Variants in LRP1B observed in about 807,000 individuals in gnomAD.
LRP1B encodes low-density lipoprotein receptor-related protein 1B.
LRP1B carries 217 observed loss-of-function variants against 556.6 expected under a neutral mutation model. That is an observed-to-expected ratio of 0.39 (90% CI 0.35 to 0.44). The LOEUF (loss-of-function observed/expected upper bound fraction) is 0.44, where lower values mean the gene tolerates loss of function less well. LRP1B is among the 20% of genes least tolerant of loss of function. The pLI is 1.00. For synonymous variants in LRP1B, 2,047 were observed against 1,865.8 expected (o/e 1.10, Z -2.50); for missense variants, 5,053 against 5,620.8 (o/e 0.90, Z 3.23).
chr2:142,118,818 T>A (rs1707359792), intron 1 of LRP1B, among the ~76,000 whole-genome samples: 1 of 152,172 alleles, frequency 6.6e-6, no homozygotes, highest in South Asian at 2.1e-4. Context: ...CCAAATTAAA[T>A]ATTAATGCAA....
At chr2:141,316,176 T>C (rs755156030) in intron 3 of LRP1B, among the ~76,000 whole-genome samples, 1 of 152,068 alleles carries the variant, frequency 6.6e-6, no homozygotes, top group Non-Finnish European at 1.5e-5. Context: ...CTGTCTTGGA[T>C]AGCCTTATAA....
At chr2:140,835,626 C>T (rs2171171) in intron 31 of LRP1B, among the ~76,000 whole-genome samples, 9,338 of 152,264 alleles carry the variant, frequency 0.061, 357 homozygotes, top group African/African-American at 0.1. Flanking sequence ...CAACCTCCGC[C>T]TCCCAGGTTC....
At chr2:142,109,480 C>T (rs1275411371) in intron 1 of LRP1B, among the ~76,000 whole-genome samples, 1 of 152,094 alleles carries the variant, frequency 6.6e-6, no homozygotes, top group African/African-American at 2.4e-5. Flanking sequence ...CTTGAATTTA[C>T]CAAGAAAATG....
At chr2:140,236,466 A>T (rs929676948) in intron 89 of LRP1B, among the ~76,000 whole-genome samples, 2 of 151,132 alleles carry the variant, frequency 1.3e-5, no homozygotes, top group African/African-American at 4.8e-5. Context: ...AAAATATTCT[A>T]AAATTATCAG....
At chr2:140,585,647 G>A (rs116284819) in intron 43 of LRP1B, among the ~76,000 whole-genome samples, 66 of 152,172 alleles carry the variant, frequency 4.3e-4, no homozygotes, top group Admixed American at 1.4e-3. Flanking sequence ...GTCCAACACT[G>A]AAACAATGTT....
chr2:141,350,482 C>T (rs564018800), intron 3 of LRP1B, among the ~76,000 whole-genome samples: 103 of 152,102 alleles, frequency 6.8e-4, no homozygotes, highest in Admixed American at 1.0e-3. Flanking sequence ...TGGACTGAAA[C>T]ATTTTTCTTT....
chr2:141,444,028 G>A (rs1286159992), intron 3 of LRP1B, among the ~76,000 whole-genome samples: 1 of 151,962 alleles, frequency 6.6e-6, no homozygotes, highest in African/African-American at 2.4e-5. Flanking sequence ...TGGGCAGTAT[G>A]GCCATTTTCA....
chr2:141,619,900 G>A (rs1454357574), intron 2 of LRP1B, among the ~76,000 whole-genome samples: 2 of 152,188 alleles, frequency 1.3e-5, no homozygotes, highest in Admixed American at 6.5e-5. Context: ...AGGGGCTAAT[G>A]TTGATGATTG....
At chr2:141,071,009 G>A (rs1375707660) in intron 7 of LRP1B, among the ~76,000 whole-genome samples, 1 of 152,060 alleles carries the variant, frequency 6.6e-6, no homozygotes, top group East Asian at 1.9e-4. Flanking sequence ...ATTTTATGAG[G>A]CCAGCATCGT....
At chr2:141,654,933 AG>A (rs1377340148) in intron 2 of LRP1B, among the ~76,000 whole-genome samples, 1 of 152,172 alleles carries the variant, frequency 6.6e-6, no homozygotes, top group Non-Finnish European at 1.5e-5. Flanking sequence ...CAGTAATGTT[AG>A]GGAGGTGTAC....
At chr2:140,284,163 T>C (rs376110785) in intron 84 of LRP1B, among the ~76,000 whole-genome samples, 1 of 151,778 alleles carries the variant, frequency 6.6e-6, no homozygotes, top group Non-Finnish European at 1.5e-5. Flanking sequence ...AATTAACATA[T>C]ACTGTGTTAG....
At chr2:141,968,398 T>C (rs775810258) in intron 1 of LRP1B, among the ~76,000 whole-genome samples, 6 of 151,702 alleles carry the variant, frequency 4.0e-5, no homozygotes, top group Non-Finnish European at 5.9e-5. Context: ...AATAAAATAT[T>C]TGTGTATTTT....
chr2:141,074,203 A>G (rs1032375832), intron 7 of LRP1B, among the ~76,000 whole-genome samples: 3 of 152,064 alleles, frequency 2.0e-5, no homozygotes, highest in African/African-American at 7.2e-5. Context: ...CCTTAAAAAA[A>G]TCCAAGTATT....
chr2:140,336,088 T>G (rs542525291), intron 77 of LRP1B, among the ~76,000 whole-genome samples: 1 of 152,138 alleles, frequency 6.6e-6, no homozygotes, highest in East Asian at 1.9e-4. Flanking sequence ...TGCTGAAATA[T>G]TTCCAGAACC....
intron 1 of LRP1B, among the ~76,000 whole-genome samples, chr2:141,858,317 C>G (rs1416600005): frequency 6.6e-6 from 1 of 152,106 alleles, no homozygotes; most frequent in Non-Finnish European, 1.5e-5. Context: ...TTTTATAGAA[C>G]CTATTTATTA....
intron 6 of LRP1B, among the ~76,000 whole-genome samples, chr2:141,192,717 T>A (rs571850463): frequency 6.6e-6 from 1 of 151,862 alleles, no homozygotes; most frequent in Non-Finnish European, 1.5e-5. Context: ...CTGCTCTATA[T>A]CAATATCATC....
At chr2:141,544,355 CTTCTTCTTCTTCTTCTT>C (rs1685448266) in intron 2 of LRP1B, among the ~76,000 whole-genome samples, 1 of 95,904 alleles carries the variant, frequency 1.0e-5, no homozygotes, top group African/African-American at 3.6e-5. Context: ...TCTTCTTCTT[CTTCTTCTTCTTCTTCTT>C]CTTCTTCTTC....
chr2:140,240,411 G>T (rs1184436592), intron 87 of LRP1B, among the ~76,000 whole-genome samples: 1 of 150,490 alleles, frequency 6.6e-6, no homozygotes, highest in Non-Finnish European at 1.5e-5. Context: ...GAGGAGACTT[G>T]GTTTTCTATG....
chr2:140,669,111 C>T (rs1007208207), intron 41 of LRP1B, among the ~76,000 whole-genome samples: 3 of 152,108 alleles, frequency 2.0e-5, no homozygotes, highest in Non-Finnish European at 4.4e-5. Context: ...ATCAGGGTAT[C>T]TGCATTCAAG....
Sources: gnomAD v4.1 joint callset for allele counts (sites outside exome capture counted in the v4.1 genomes callset) on GRCh38, gnomAD v4.1.1 for gene constraint, MANE v1.5 for transcripts, NCBI Gene and HGNC (gene_info 2026-07-23, HGNC 2026-07-21) for gene names.